Variants in L2HGDH observed in about 807,000 individuals in gnomAD.
The protein encoded by L2HGDH is L-2-hydroxyglutarate dehydrogenase.
Under a neutral mutation model 51.5 loss-of-function variants are expected in L2HGDH, and 34 were observed. The ratio of observed to expected loss-of-function variants is 0.66; its 90% CI spans 0.50 to 0.88. The LOEUF (loss-of-function observed/expected upper bound fraction) is 0.88. L2HGDH is among the 40% of genes least tolerant of loss of function. The probability of loss-of-function intolerance (pLI) is 0.00; values close to 1 mark genes in which losing one functional copy is unlikely to be tolerated. For synonymous variants in L2HGDH, 198 were observed against 197.9 expected, an observed-to-expected ratio of 1.00 and a Z score of -0.01; for missense variants, 558 against 571.9, an observed-to-expected ratio of 0.98 and a Z score of 0.25.
At chr14:50,268,084 A>G (rs987611477) in intron 7 of L2HGDH, among the ~76,000 whole-genome samples, 174 bp from the exon 8 acceptor site, 1 of 152,164 alleles carries the variant, frequency 6.6e-6, no homozygotes, top group Non-Finnish European at 1.5e-5. Context: ...TGCACACAAG[A>G]AACCCTGATG....
chr14:50,301,990 A>C, intron 3 of L2HGDH, 27 bp downstream of exon 3: 1 of 1,612,020 alleles, frequency 6.2e-7, no homozygotes, highest in Non-Finnish European at 8.5e-7. Context: ...GTTGGAAATT[A>C]GTCAAGGCTC....
Position 50,296,433 on chromosome 14 carries a change from A to G in L2HGDH, c.409-2187T>C, listed in dbSNP as rs143282219. Among the ~76,000 whole-genome samples, 364 of 151,524 alleles carry G rather than the reference A, an allele frequency of 2.4e-3. 2 individuals are homozygous for G. The Middle Eastern group carries it at 0.058, about 24-fold the overall frequency. On this transcript the variant is annotated intron_variant, in intron 3 of 9. Transcript: ENST00000267436. ...GGACATGACTACCAACACTGCAGAA[A>G]TAAAAGGACTTATAAAAGAATACTA...
rs761364227 is a variant in L2HGDH at position 50,243,045 on chromosome 14, T to C, written c.*4013A>G. The stretch of plus-strand genomic sequence containing the variant: ...CACCACCATCCTTTGAAGAAAGTTC[T>C]AAGAGTTAAGGTTATCCCACAGGCT... On this transcript the variant is annotated 3_prime_UTR_variant, in exon 10 of 10. Transcript: ENST00000267436. 80 of 985,320 alleles carry C rather than the reference T, an allele frequency of 8.1e-5. 1 individual carries two copies. Among genetic ancestry groups the C allele is most frequent in the Non-Finnish European group, 9.5e-5 (79 of 829,954 alleles). 61.0% of individuals were successfully genotyped at this position (985,320 alleles called of 1,614,324 possible).
chr14:50,277,013 C>T (rs1890011484), intron 6 of L2HGDH, among the ~76,000 whole-genome samples: 1 of 152,182 alleles, frequency 6.6e-6, no homozygotes, highest in Non-Finnish European at 1.5e-5. Context: ...AAAAATGTCT[C>T]TAAACATTGC....
chr14:50,280,380 G>C (rs143618298), intron 5 of L2HGDH, among the ~76,000 whole-genome samples: 1,609 of 152,136 alleles, frequency 0.011, 24 homozygotes, highest in African/African-American at 0.037. Context: ...TGGCCAAGCT[G>C]GTCTGGAACT....
chr14:50,247,668 G>A (rs1888086889), intron 9 of L2HGDH, among the ~76,000 whole-genome samples: 1 of 152,080 alleles, frequency 6.6e-6, no homozygotes, highest in African/African-American at 2.4e-5. Flanking sequence ...TGAAAGCAGA[G>A]GTTATGTGTC....
chr14:50,270,258 T>G (rs1047001034), intron 6 of L2HGDH, among the ~76,000 whole-genome samples: 9 of 152,230 alleles, frequency 5.9e-5, no homozygotes, highest in Admixed American at 6.6e-5. Flanking sequence ...GATTATCATC[T>G]GCTTATTTTT....
rs114515014 is a variant in L2HGDH, at chr14:50,293,149, T to C, written c.540+966A>G. On this transcript the variant is annotated intron_variant, in intron 4 of 9. Coordinates refer to ENST00000267436, the MANE Select transcript of L2HGDH (RefSeq NM_024884.3). ...CTATTATAATTAAACATTATGGTAG[T>C]AGCACAGAAGAGGCAATGGAACAGA... The C allele has an allele frequency of 0.012, 8,108 of 686,686 alleles. 436 individuals are homozygous for C. The African/African-American group carries it at 0.12, about 10-fold the overall frequency. 42.5% of individuals were successfully genotyped at this position (686,686 alleles called of 1,614,324 possible).
At chr14:50,308,865 C>T (rs1187885162) in intron 1 of L2HGDH, among the ~76,000 whole-genome samples, 1 of 152,196 alleles carries the variant, frequency 6.6e-6, no homozygotes, top group Admixed American at 6.5e-5. Context: ...CTTGGATGTT[C>T]TTCAACCCAT....
rs761308211 is a variant in L2HGDH at position 50,278,566 on chromosome 14, GAAT to G, written c.704-15_704-13del. On this transcript the variant is annotated splice_polypyrimidine_tract_variant and intron_variant, in intron 5 of 9. Coordinates refer to ENST00000267436, the MANE Select transcript of L2HGDH (RefSeq NM_024884.3). ...TGGATATTGCATTCCTGAAAAAAAA[GAAT>G]AAGTGAAAAATTTATTTTTAGCAAA... The G allele has an allele frequency of 2.2e-6, 3 of 1,337,974 alleles. No individual in the cohort carries two copies. The highest frequency in any genetic ancestry group is 2.5e-5 in the South Asian group (2 of 79,708). The allele number at this position is 1,337,974 out of a possible 1,614,324, so 82.9% of individuals were successfully genotyped here.
chr14:50,299,104 AC>A (rs2030254515), intron 3 of L2HGDH, among the ~76,000 whole-genome samples: 1 of 152,102 alleles, frequency 6.6e-6, no homozygotes, highest in Non-Finnish European at 1.5e-5. Flanking sequence ...AAAAGAGAAG[AC>A]CCGGATAAAT....
chr14:50,304,907 A>G (rs1566541388), intron 1 of L2HGDH, among the ~76,000 whole-genome samples: 1 of 152,230 alleles, frequency 6.6e-6, no homozygotes, highest in African/African-American at 2.4e-5. Context: ...ATTACCTTTA[A>G]CACTGACCTG....
At chr14:50,271,707 A>T (rs1323341354) in intron 6 of L2HGDH, among the ~76,000 whole-genome samples, 1 of 152,062 alleles carries the variant, frequency 6.6e-6, no homozygotes, top group Non-Finnish European at 1.5e-5. Flanking sequence ...GTCCCCAATT[A>T]AAAAAATAAA....
In L2HGDH at chr14:50,245,106, G is replaced by A. The variant is rs976057581; in HGVS notation, c.*1952C>T. ...CATGAGGTGAATGTAAGGCACTTTC[G>A]CGGTTTACAAAAGTGAATGCCTCAA... On this transcript the variant is annotated 3_prime_UTR_variant, in exon 10 of 10. Coordinates refer to ENST00000267436, the MANE Select transcript of L2HGDH (RefSeq NM_024884.3). 1.8e-5 allele frequency: 18 copies of A among 985,550 alleles called. No homozygotes were observed. The highest frequency in any genetic ancestry group is 8.7e-5 in the African/African-American group (5 of 57,188). The allele number at this position is 985,550 out of a possible 1,614,324, so 61.1% of individuals were successfully genotyped here.
chr14:50,252,214 G>T (rs887171362), intron 9 of L2HGDH, among the ~76,000 whole-genome samples: 11 of 151,702 alleles, frequency 7.3e-5, no homozygotes, highest in African/African-American at 2.7e-4. Flanking sequence ...TAAAATAGTG[G>T]GTTATAAGAT....
chr14:50,259,985 CAGAG>C (rs34001223), intron 9 of L2HGDH, among the ~76,000 whole-genome samples: 3,861 of 142,338 alleles, frequency 0.027, 139 homozygotes, highest in African/African-American at 0.077. Context: ...GAGAAGAAGA[CAGAG>C]AGAGAGAGAG....
chr14:50,296,372 CA>C (rs59868876), intron 3 of L2HGDH, among the ~76,000 whole-genome samples: 158 of 31,432 alleles, frequency 5.0e-3, no homozygotes, highest in Non-Finnish European at 5.8e-3. Flanking sequence ...GACCCTGTCT[CA>C]AAAAAAAAAA....
intron 9 of L2HGDH, among the ~76,000 whole-genome samples, chr14:50,261,807 G>C (rs1214050230): frequency 6.6e-6 from 1 of 152,258 alleles, no homozygotes; most frequent in Non-Finnish European, 1.5e-5. Context: ...AAGAGTCTTA[G>C]AGACCATCAT....
In L2HGDH at chr14:50,245,626, T is replaced by C; in HGVS notation, c.*1432A>G. 1.0e-6 allele frequency: 1 copy of C among 977,382 alleles called. No individual in the cohort carries two copies. Among genetic ancestry groups the C allele is most frequent in the Non-Finnish European group, 1.2e-6 (1 of 822,596 alleles). The allele number at this position is 977,382 out of a possible 1,614,324, so 60.5% of individuals were successfully genotyped here. On this transcript the variant is annotated 3_prime_UTR_variant, in exon 10 of 10. Transcript: ENST00000267436. ...ATTGTTGCTCTAAATAATGTGAGTTTTGTGACTCTTCAAAATTAAAAGAAT... is the reference window on the plus strand; with the variant it reads ...ATTGTTGCTCTAAATAATGTGAGTTCTGTGACTCTTCAAAATTAAAAGAAT...
Sources: allele counts gnomAD v4.1 joint callset (sites outside exome capture counted in the v4.1 genomes callset), GRCh38; gene constraint gnomAD v4.1.1; transcripts MANE v1.5; gene names NCBI Gene and HGNC (gene_info 2026-07-23, HGNC 2026-07-21).